The following MTERF3 variants were observed in gnomAD, a reference collection of about 807,000 sequenced individuals.
The protein encoded by MTERF3 is mitochondrial transcription termination factor 3.
Under a neutral mutation model 40.5 loss-of-function variants are expected in MTERF3, and 40 were observed. The observed-to-expected ratio is 0.99, with a 90% CI of 0.77 to 1.29. The LOEUF (loss-of-function observed/expected upper bound fraction) is 1.29. MTERF3 is among the 50% of genes most tolerant of loss of function. MTERF3 has a pLI of 0.00. For missense variants in MTERF3, 452 were observed against 478.2 expected (o/e 0.95, Z 0.51); for synonymous variants, 158 against 166.6 (o/e 0.95, Z 0.40).
chr8:96,248,439 G>A (rs1810062103), intron 4 of MTERF3, among the ~76,000 whole-genome samples: 1 of 152,160 alleles, frequency 6.6e-6, no homozygotes, highest in Admixed American at 6.5e-5. Context: ...TAAGATAGTG[G>A]GATACAGAAT....
intron 4 of MTERF3, among the ~76,000 whole-genome samples, chr8:96,250,517 C>A (rs1307041950): frequency 7.0e-6 from 1 of 143,602 alleles, no homozygotes; most frequent in Admixed American, 6.9e-5. Flanking sequence ...TCGAGAACAG[C>A]CTGGCCAATG....
At chr8:96,244,337 G>A (rs890745394) in intron 6 of MTERF3, among the ~76,000 whole-genome samples, 8 of 151,990 alleles carry the variant, frequency 5.3e-5, no homozygotes, top group African/African-American at 1.7e-4. Context: ...TTGAACTCCT[G>A]ACCTCAAGTG....
intron 1 of MTERF3, among the ~76,000 whole-genome samples, chr8:96,259,976 C>T (rs957362495): frequency 6.6e-6 from 1 of 152,046 alleles, no homozygotes; most frequent in Non-Finnish European, 1.5e-5. Flanking sequence ...ACCATCTTGG[C>T]TCACTGCAAC....
At chr8:96,244,159 T>A in intron 6 of MTERF3, 79 bp from the exon 7 acceptor site, 1 of 1,312,854 alleles carries the variant, frequency 7.6e-7, no homozygotes, top group Non-Finnish European at 1.0e-6. Flanking sequence ...CACTGATTTT[T>A]TTTTTTTTTG....
At chr8:96,247,627 A>G (rs1042922203) in intron 4 of MTERF3, among the ~76,000 whole-genome samples, 1 of 152,178 alleles carries the variant, frequency 6.6e-6, no homozygotes, top group South Asian at 2.1e-4. Context: ...GCATGCCTAC[A>G]TCTAAAGCCT....
chr8:96,249,833 G>A (rs1810091061), intron 4 of MTERF3, among the ~76,000 whole-genome samples: 5 of 152,158 alleles, frequency 3.3e-5, no homozygotes, highest in African/African-American at 1.2e-4. Flanking sequence ...GAGAAGAACT[G>A]ATGGGCTTTC....
intron 3 of MTERF3, among the ~76,000 whole-genome samples, chr8:96,256,199 T>A (rs1019643183): frequency 6.6e-6 from 1 of 152,194 alleles, no homozygotes; most frequent in Admixed American, 6.5e-5. Flanking sequence ...CTGGCTCCCT[T>A]AAGCTATCCA....
rs371732086 is a variant in MTERF3, at chr8:96,251,035, T to C, written c.548A>G (p.Asp183Gly). The change falls in exon 4 of 8, where the codon GAT becomes GGT. Residue 183 changes from aspartate (D) to glycine (G), a missense_variant. By Grantham distance (94) the Asp-to-Gly change is moderately conservative. Coordinates refer to ENST00000287025, the MANE Select transcript of MTERF3 (RefSeq NM_015942.5). ...PEAANLLLRLDFEKDIKQMLL... is the reference protein window; with the variant it reads ...PEAANLLLRLGFEKDIKQMLL... Reference sequence around the variant, plus strand: ...CATTTGCTTAATGTCTTTTTCAAAATCCAGTCTCAGAAGGAGGTTTGCTGC... The same window carrying C: ...CATTTGCTTAATGTCTTTTTCAAAACCCAGTCTCAGAAGGAGGTTTGCTGC... 50 of 1,604,456 alleles carry C rather than the reference T, an allele frequency of 3.1e-5. No individual in the cohort carries two copies. In the African/African-American group the frequency reaches 5.9e-4, roughly 19 times the overall value.
At chr8:96,243,809 C>T (rs532770165) in intron 7 of MTERF3, 110 bp downstream of exon 7, 30 of 1,189,738 alleles carry the variant, frequency 2.5e-5, no homozygotes, top group Non-Finnish European at 3.6e-5. Context: ...TGGACATTTG[C>T]GCCCTGCAAA....
chr8:96,254,104 T>A (rs1423037870), intron 3 of MTERF3, among the ~76,000 whole-genome samples: 1 of 152,210 alleles, frequency 6.6e-6, no homozygotes, highest in African/African-American at 2.4e-5. Flanking sequence ...AAAGGAAAAG[T>A]GACTGTCTCC....
At chr8:96,246,616 C>T (rs1341540209) in intron 4 of MTERF3, among the ~76,000 whole-genome samples, 162 bp from the exon 5 acceptor site, 1 of 152,152 alleles carries the variant, frequency 6.6e-6, no homozygotes, top group Non-Finnish European at 1.5e-5. Flanking sequence ...GGCAAAAACA[C>T]GTTTAAAACA....
At chr8:96,242,230 A>C (rs1004671634) in intron 7 of MTERF3, among the ~76,000 whole-genome samples, 3 of 152,020 alleles carry the variant, frequency 2.0e-5, no homozygotes, top group Non-Finnish European at 4.4e-5. Context: ...TTCCACCTAG[A>C]CTCTAGGAAT....
At chr8:96,257,198 T>G (rs1810297149) in intron 2 of MTERF3, 84 bp from the exon 3 acceptor site, 1 of 1,355,294 alleles carries the variant, frequency 7.4e-7, no homozygotes, top group South Asian at 1.5e-5. Context: ...CTTGTTTGCT[T>G]CTTTCAGTGG....
chr8:96,260,094 C>CG (rs905037924), intron 1 of MTERF3: 2 of 151,986 alleles, frequency 1.3e-5, no homozygotes, highest in African/African-American at 2.4e-5. Flanking sequence ...TTAGTAGAGA[C>CG]GGGGTTTCAC....
At chr8:96,246,745 C>T (rs1464214062) in intron 4 of MTERF3, among the ~76,000 whole-genome samples, 1 of 152,038 alleles carries the variant, frequency 6.6e-6, no homozygotes, top group African/African-American at 2.4e-5. Flanking sequence ...ATAGCAAAAA[C>T]ATGATTACTT....
intron 1 of MTERF3, among the ~76,000 whole-genome samples, chr8:96,259,735 A>G (rs551854911): frequency 1.3e-5 from 2 of 152,268 alleles, no homozygotes; most frequent in South Asian, 4.1e-4. Flanking sequence ...CTACAACTTT[A>G]TACTTTGTTT....
chr8:96,244,486 C>T (rs978841889), intron 6 of MTERF3, among the ~76,000 whole-genome samples: 5 of 151,930 alleles, frequency 3.3e-5, no homozygotes, highest in Admixed American at 2.6e-4. Flanking sequence ...CTGCAACCTC[C>T]GTTTCTTGGA....
intron 4 of MTERF3, among the ~76,000 whole-genome samples, chr8:96,249,063 C>T (rs971092637): frequency 1.3e-5 from 2 of 152,142 alleles, no homozygotes; most frequent in Admixed American, 6.5e-5. Context: ...TGAGAATATT[C>T]CTCAATTGTT....
At chr8:96,248,884 A>G (rs1810070846) in intron 4 of MTERF3, among the ~76,000 whole-genome samples, 1 of 152,210 alleles carries the variant, frequency 6.6e-6, no homozygotes, top group Non-Finnish European at 1.5e-5. Context: ...AAGTTCATTT[A>G]AATAAAGGTT....
Sources: gnomAD v4.1 joint callset for allele counts (sites outside exome capture counted in the v4.1 genomes callset) on GRCh38, gnomAD v4.1.1 for gene constraint, MANE v1.5 for transcripts, NCBI Gene and HGNC (gene_info 2026-07-23, HGNC 2026-07-21) for gene names.